Variants in UNC79 observed in about 807,000 individuals in gnomAD.
UNC79 encodes unc-79 subunit of NALCN channel complex.
In UNC79, 37 loss-of-function variants were observed where a neutral mutation model predicts 283.1. That is an observed-to-expected ratio of 0.13 (90% CI 0.10 to 0.17). The LOEUF (loss-of-function observed/expected upper bound fraction) is 0.17. UNC79 is among the 10% of genes least tolerant of loss of function. The pLI, the probability that UNC79 is intolerant of heterozygous loss-of-function variation, is 1.00. For missense variants in UNC79, 2,272 were observed against 3,211.1 expected (o/e 0.71, Z 7.07); for synonymous variants, 1,107 against 1,200.2 (o/e 0.92, Z 1.61).
At chr14:93,574,277 G>A (rs2063354987) in intron 16 of UNC79, among the ~76,000 whole-genome samples, 1 of 152,144 alleles carries the variant, frequency 6.6e-6, no homozygotes, top group Admixed American at 6.5e-5. Flanking sequence ...ATAAGACAGA[G>A]TGCTGCAGCT....
chr14:93,557,280 T>G (rs2062228829), intron 14 of UNC79, among the ~76,000 whole-genome samples: 1 of 152,216 alleles, frequency 6.6e-6, no homozygotes, highest in Non-Finnish European at 1.5e-5. Context: ...TTGGGACATC[T>G]GGACTTTCTG....
At chr14:93,484,542 A>T (rs892439903) in intron 4 of UNC79, among the ~76,000 whole-genome samples, 1 of 152,238 alleles carries the variant, frequency 6.6e-6, no homozygotes, top group Non-Finnish European at 1.5e-5. Context: ...GATCATGGTA[A>T]TGATTGTTCT....
At chr14:93,427,797 A>G (rs909280426), upstream of UNC79, among the ~76,000 whole-genome samples, 1 of 152,138 alleles carries the variant, frequency 6.6e-6, no homozygotes, top group Non-Finnish European at 1.5e-5. Flanking sequence ...CAAATTTAGA[A>G]TAATTTTTTA....
chr14:93,346,315 T>C (rs755823419), intron 1 of UNC79, among the ~76,000 whole-genome samples: 14 of 152,190 alleles, frequency 9.2e-5, no homozygotes, highest in Non-Finnish European at 1.6e-4. Flanking sequence ...TAAAGTTTTA[T>C]TACAGTACTA....
At chr14:93,579,407 G>A (rs989004159) in intron 18 of UNC79, among the ~76,000 whole-genome samples, 1 of 152,196 alleles carries the variant, frequency 6.6e-6, no homozygotes, top group East Asian at 1.9e-4. Flanking sequence ...TGACAGTCGA[G>A]TGATAATTTT....
exon 39 of UNC79, chr14:93,659,216 A>C: frequency 6.2e-7 from 1 of 1,611,776 alleles, no homozygotes; most frequent in East Asian, 2.2e-5. Flanking sequence ...CCAGTTTAAG[A>C]ATTATGATTT....
chr14:93,538,860 C>T (rs1044819389), intron 12 of UNC79, among the ~76,000 whole-genome samples: 1 of 141,536 alleles, frequency 7.1e-6, no homozygotes. Flanking sequence ...CTCTTTTTGT[C>T]TGATACTCAT....
chr14:93,691,351 T>G (rs1432325505), intron 45 of UNC79: 2 of 239,170 alleles, frequency 8.4e-6, no homozygotes, highest in African/African-American at 4.3e-5. Context: ...GTATATCACC[T>G]GCTTTACTCC....
At chr14:93,524,017 A>G (rs2060438496) in exon 8 of UNC79, 1 of 1,614,182 alleles carries the variant, frequency 6.2e-7, no homozygotes, top group Non-Finnish European at 8.5e-7. Flanking sequence ...GAATGCCACA[A>G]TGCAATTAAC....
In UNC79 at chr14:93,641,609, C is replaced by T. The variant is rs142544506; in HGVS notation, c.5903+362C>T. On this transcript the variant is annotated intron_variant, in intron 33 of 48. Coordinates refer to ENST00000555664, the Ensembl canonical transcript of UNC79. ...TTGAGGCTGTGGTGAGCTGTGATAG[C>T]GCCACTACACTCCTGCCTGGGTGAT... 9.9e-4 allele frequency among the ~76,000 whole-genome samples: 150 copies of T among 152,182 alleles called. 2 individuals carry two copies. Among genetic ancestry groups the T allele is most frequent in the African/African-American group, 2.8e-3 (118 of 41,510 alleles).
At chr14:93,458,675 A>G (rs551528738) in intron 1 of UNC79, among the ~76,000 whole-genome samples, 5 of 152,328 alleles carry the variant, frequency 3.3e-5, no homozygotes, top group African/African-American at 1.2e-4. Flanking sequence ...GATATTAGAA[A>G]TTTAAAGCAG....
chr14:93,379,572 C>A (rs997133559), intron 1 of UNC79, among the ~76,000 whole-genome samples: 2 of 152,114 alleles, frequency 1.3e-5, no homozygotes, highest in East Asian at 3.9e-4. Flanking sequence ...TTTCTACCTA[C>A]CTTAATATAC....
chr14:93,655,569 C>T (rs1011327712), intron 38 of UNC79, among the ~76,000 whole-genome samples, 162 bp downstream of exon 41: 7 of 150,046 alleles, frequency 4.7e-5, no homozygotes, highest in African/African-American at 1.7e-4. Flanking sequence ...GTTCTGTCTT[C>T]TCTTAGAGAA....
rs551439257 is a variant in UNC79, at chr14:93,443,339, G to A, written c.22+12288G>A. ...CAACTCCCAGTTCCAGGAAGACATT[G>A]CTTTTCTTTTTATTATTAGTGTTGC... On this transcript the variant is annotated intron_variant, in intron 1 of 48. Coordinates refer to ENST00000555664, the Ensembl canonical transcript of UNC79. 1.4e-4 allele frequency among the ~76,000 whole-genome samples: 22 copies of A among 151,782 alleles called. 1 individual carries two copies. Among genetic ancestry groups the A allele is most frequent in the African/African-American group, 4.6e-4 (19 of 41,380 alleles).
rs750594521 is a variant in UNC79, at chr14:93,622,239, C to G, written c.5006C>G (p.Ser1669Cys). 2 of 1,614,062 alleles carry G rather than the reference C, an allele frequency of 1.2e-6. No homozygotes were observed. Among genetic ancestry groups the G allele is most frequent in the Admixed American group, 1.7e-5 (1 of 60,022 alleles). ...GGTAAAAATGCTGCCTCTTCTCCCT[C>G]CGTCCCCAGCCATCCCTCCGTCCTC... The change falls in exon 30 of 49, where the codon TCC (serine) becomes TGC (cysteine). Residue 1669 changes from serine to cysteine, a missense_variant. Ser to Cys is a moderately radical substitution (Grantham distance 112). Around this residue, in one of 11 missense-constraint regions of UNC79, gnomAD observed 580 missense variants for 632.2 expected, o/e 0.92. Coordinates refer to ENST00000555664, the Ensembl canonical transcript of UNC79.
At chr14:93,663,285 T>A (rs1390154912) in intron 40 of UNC79, among the ~76,000 whole-genome samples, 1 of 152,160 alleles carries the variant, frequency 6.6e-6, no homozygotes, top group East Asian at 1.9e-4. Flanking sequence ...ACTGAGAAAG[T>A]GGAAAAGTAC....
rs7159521 is a variant in UNC79, at chr14:93,356,355, A to T, written c.-351+22832A>T. ...TTCTATTTCACTCTTGTAGGCTGCAACCCTTTGAGGTCTTAACCCAAATTG... is the reference window on the plus strand; with the variant it reads ...TTCTATTTCACTCTTGTAGGCTGCATCCCTTTGAGGTCTTAACCCAAATTG... On this transcript the variant is annotated intron_variant, in intron 1 of 49. Transcript: ENST00000256339. 9.5e-4 allele frequency among the ~76,000 whole-genome samples: 144 copies of T among 152,142 alleles called. 2 individuals carry two copies. Among genetic ancestry groups the T allele is most frequent in the African/African-American group, 3.3e-3 (139 of 41,512 alleles).
chr14:93,334,202 T>G (rs761827762), intron 1 of UNC79, among the ~76,000 whole-genome samples: 13 of 152,270 alleles, frequency 8.5e-5, no homozygotes, highest in Non-Finnish European at 1.3e-4. Flanking sequence ...ATATCATTGT[T>G]GTTTTCCTCT....
chr14:93,405,609 G>T (rs995311359), intron 1 of UNC79, among the ~76,000 whole-genome samples: 1 of 151,964 alleles, frequency 6.6e-6, no homozygotes, highest in African/African-American at 2.4e-5. Flanking sequence ...AAAATTCAAA[G>T]AACTAATGTT....
Sources: gnomAD v4.1 joint callset for allele counts (sites outside exome capture counted in the v4.1 genomes callset) on GRCh38, gnomAD v4.1.1 for gene constraint, gnomAD v4.1.1 regional missense constraint, MANE v1.5 for transcripts, NCBI Gene and HGNC (gene_info 2026-07-23, HGNC 2026-07-21) for gene names.